Variants in DLGAP1 observed in about 807,000 individuals in gnomAD.
DLGAP1 encodes the protein DLG associated protein 1, also known as disks large-associated protein 1.
In DLGAP1, 11 loss-of-function variants were observed where a neutral mutation model predicts 90.8. The observed-to-expected ratio is 0.12, with a 90% confidence interval of 0.08 to 0.20. The LOEUF is 0.20. Among genes scored for constraint, DLGAP1 ranks in the 10% least tolerant of loss-of-function variants. The probability of loss-of-function intolerance (pLI) is 1.00; values close to 1 mark genes in which losing one functional copy is unlikely to be tolerated. For missense variants in DLGAP1, 1,050 were observed against 1,333.8 expected (o/e 0.79, Z 3.31); for synonymous variants, 558 against 540.7 (o/e 1.03, Z -0.44).
chr18:4,072,298 C>G (rs2075460022), intron 2 of DLGAP1, among the ~76,000 whole-genome samples: 1 of 150,850 alleles, frequency 6.6e-6, no homozygotes, highest in Admixed American at 6.6e-5. Context: ...AATGATGAAA[C>G]TTTTTTTTTT....
intron 3 of DLGAP1, among the ~76,000 whole-genome samples, chr18:3,911,501 T>A (rs1406712972): frequency 6.6e-6 from 1 of 152,216 alleles, no homozygotes. Context: ...AGTAGATGGA[T>A]TAGAACATTT....
chr18:4,246,875 A>AAAGGC (rs34582713), intron 1 of DLGAP1, among the ~76,000 whole-genome samples: 1 of 26,606 alleles, frequency 3.8e-5, no homozygotes, highest in Admixed American at 6.1e-4. Context: ...CAGAAAAAGA[A>AAAGGC]AAGAAAAAGC....
At chr18:4,309,615 C>T (rs901295397) in intron 1 of DLGAP1, among the ~76,000 whole-genome samples, 2 of 151,954 alleles carry the variant, frequency 1.3e-5, no homozygotes, top group African/African-American at 4.8e-5. Flanking sequence ...AGTCCAATGC[C>T]CACTGTCAGT....
intron 7 of DLGAP1, among the ~76,000 whole-genome samples, chr18:3,728,098 T>C (rs1312876809): frequency 3.3e-5 from 5 of 152,158 alleles, no homozygotes. Flanking sequence ...TGATAATTAC[T>C]GACATTTGAT....
intron 5 of DLGAP1, chr18:3,774,695 C>T (rs1272882264): frequency 1.3e-5 from 2 of 152,138 alleles, no homozygotes; most frequent in African/African-American, 2.4e-5. Context: ...TGCAAGAGTA[C>T]ATGGTCAGGT....
chr18:4,382,337 C>G (rs917501809), intron 1 of DLGAP1, among the ~76,000 whole-genome samples: 6 of 152,028 alleles, frequency 3.9e-5, no homozygotes, highest in African/African-American at 1.4e-4. Flanking sequence ...ATTAAGTACT[C>G]AATAAAGTTT....
intron 10 of DLGAP1, among the ~76,000 whole-genome samples, chr18:3,528,588 A>T (rs2051797904): frequency 1.3e-5 from 2 of 152,322 alleles, no homozygotes; most frequent in South Asian, 4.1e-4. Context: ...ACTGCCAGAG[A>T]ACTGTTGTGA....
intron 1 of DLGAP1, among the ~76,000 whole-genome samples, chr18:4,319,556 A>G (rs1403692179): frequency 2.0e-5 from 3 of 152,200 alleles, no homozygotes; most frequent in Non-Finnish European, 4.4e-5. Context: ...TTGTAGAATG[A>G]TATAGAAAGG....
chr18:3,644,078 T>C (rs1160481411), intron 7 of DLGAP1, among the ~76,000 whole-genome samples: 1 of 152,190 alleles, frequency 6.6e-6, no homozygotes, highest in Non-Finnish European at 1.5e-5. Context: ...GTGGAAATAA[T>C]GTTTGTCACT....
At chr18:4,087,859 CTTTG>C (rs77406448) in intron 2 of DLGAP1, among the ~76,000 whole-genome samples, 39,260 of 151,654 alleles carry the variant, frequency 0.26, 5,339 homozygotes, top group Non-Finnish European at 0.31. Flanking sequence ...TTGGGCTTTG[CTTTG>C]TTTGAGTTGA....
At chr18:4,019,409 T>G (rs1024151628) in intron 2 of DLGAP1, among the ~76,000 whole-genome samples, 2 of 152,228 alleles carry the variant, frequency 1.3e-5, no homozygotes, top group East Asian at 1.9e-4. Context: ...TAAAAGCTTA[T>G]AAATACACAT....
chr18:4,195,429 C>T (rs2077479186), intron 1 of DLGAP1, among the ~76,000 whole-genome samples: 1 of 152,128 alleles, frequency 6.6e-6, no homozygotes, highest in Non-Finnish European at 1.5e-5. Context: ...CTAGTCAGCC[C>T]CAATTGTCTT....
Position 4,263,451 on chromosome 18 carries a change from A to T in DLGAP1, c.-266-112164T>A, listed in dbSNP as rs1016684482. Reference sequence around the variant, plus strand: ...TTGTTTGAAGTGATATTTTAAAATAATTTTTAAGTAAATATTAAATAAAAT... The same window carrying T: ...TTGTTTGAAGTGATATTTTAAAATATTTTTTAAGTAAATATTAAATAAAAT... On this transcript the variant is annotated intron_variant, in intron 1 of 12. Coordinates refer to ENST00000315677, the MANE Select transcript of DLGAP1 (RefSeq NM_004746.4). 2.6e-5 allele frequency among the ~76,000 whole-genome samples: 4 copies of T among 152,174 alleles called. No homozygotes were observed. In the East Asian group the frequency reaches 5.8e-4, roughly 22 times the overall value.
chr18:3,961,006 A>G (rs148760441), intron 3 of DLGAP1, among the ~76,000 whole-genome samples: 1 of 152,324 alleles, frequency 6.6e-6, no homozygotes, highest in East Asian at 1.9e-4. Context: ...TCTGGAAAAG[A>G]GACACGAGGC....
At chr18:4,104,357 C>A (rs565177927) in intron 2 of DLGAP1, among the ~76,000 whole-genome samples, 108 of 152,150 alleles carry the variant, frequency 7.1e-4, no homozygotes, top group African/African-American at 2.5e-3. Context: ...TATTCTCATG[C>A]TTTCTTGAAT....
chr18:3,836,090 A>G (rs967002668), intron 4 of DLGAP1, among the ~76,000 whole-genome samples: 2 of 152,248 alleles, frequency 1.3e-5, no homozygotes, highest in Admixed American at 1.3e-4. Flanking sequence ...AAGAATTAAC[A>G]TAAGTTAAGC....
chr18:4,423,816 T>C (rs375623082), intron 1 of DLGAP1, among the ~76,000 whole-genome samples: 34 of 132,734 alleles, frequency 2.6e-4, no homozygotes, highest in African/African-American at 9.2e-4. Context: ...CCTGGGAGCA[T>C]GAGACACTAG....
At position 3,974,762 on chromosome 18, in the gene DLGAP1, C is replaced by A. The variant is rs371543116; in HGVS notation, c.-73+30354G>T. Among the ~76,000 whole-genome samples, 5 of 152,020 alleles carry A rather than the reference C, an allele frequency of 3.3e-5. 1 individual carries two copies. The East Asian group carries it at 9.6e-4, about 29-fold the overall frequency. On this transcript the variant is annotated intron_variant, in intron 3 of 12. Coordinates refer to ENST00000315677, the MANE Select transcript of DLGAP1 (RefSeq NM_004746.4). ...ACAGGGAAGAGGACAGTATAAGACT[C>A]ACACCGATGAGTAGTATTTTACAAT... is the stretch of plus-strand genomic sequence containing the variant.
At chr18:4,099,664 A>G (rs1242596362) in intron 2 of DLGAP1, among the ~76,000 whole-genome samples, 3 of 151,114 alleles carry the variant, frequency 2.0e-5, no homozygotes, top group Admixed American at 6.6e-5. Context: ...TGGTTGCTGA[A>G]GGTTGGTGTG....
Sources: allele counts gnomAD v4.1 joint callset (sites outside exome capture counted in the v4.1 genomes callset), GRCh38; gene constraint gnomAD v4.1.1; transcripts MANE v1.5; gene names NCBI Gene and HGNC (gene_info 2026-07-23, HGNC 2026-07-21).